GMPS: variants seen among roughly 807,000 people sequenced by gnomAD.
GMPS encodes GMP synthase [glutamine-hydrolyzing].
In GMPS, 15 loss-of-function variants were observed where a neutral mutation model predicts 77.9. The observed-to-expected ratio is 0.19, with a 90% confidence interval of 0.13 to 0.30. The LOEUF is 0.30. GMPS is among the 10% of genes least tolerant of loss of function. The pLI is 1.00. For missense variants in GMPS, 590 were observed against 838.8 expected (o/e 0.70, Z 3.66); for synonymous variants, 224 against 275.9 (o/e 0.81, Z 1.86).
intron 1 of GMPS, among the ~76,000 whole-genome samples, chr3:155,873,822 A>T (rs1753964532): frequency 6.6e-6 from 1 of 151,030 alleles, no homozygotes; most frequent in Non-Finnish European, 1.5e-5. Flanking sequence ...TTTTTAGTAG[A>T]GACAGGGTTT....
At chr3:155,923,968 C>T (rs1755389197) in intron 11 of GMPS, among the ~76,000 whole-genome samples, 1 of 152,160 alleles carries the variant, frequency 6.6e-6, no homozygotes, top group African/African-American at 2.4e-5. Flanking sequence ...GCAACCTCCG[C>T]CTCCCAGGTT....
chr3:155,909,360 T>C (rs1754972256), intron 5 of GMPS, among the ~76,000 whole-genome samples: 1 of 152,188 alleles, frequency 6.6e-6, no homozygotes, highest in Non-Finnish European at 1.5e-5. Flanking sequence ...GAGATTCTTT[T>C]AATATAAGAA....
chr3:155,886,588 T>C (rs1290092742), intron 1 of GMPS, among the ~76,000 whole-genome samples: 5 of 126,976 alleles, frequency 3.9e-5, no homozygotes, highest in Non-Finnish European at 8.4e-5. Flanking sequence ...AAAAAAAAAA[T>C]CTAGCATGTC....
rs189581428 is a variant in GMPS at position 155,912,522 on chromosome 3, C to A, written c.886+1243C>A. On this transcript the variant is annotated intron_variant, in intron 7 of 15. Transcript: ENST00000496455. Reference sequence around the variant, plus strand: ...TTTCTGTTAGGTGGTGCTGGAATAGCTGTGGGCATTTTGAAATCAGGCTAA... The same window carrying A: ...TTTCTGTTAGGTGGTGCTGGAATAGATGTGGGCATTTTGAAATCAGGCTAA... 4.6e-3 allele frequency among the ~76,000 whole-genome samples: 708 copies of A among 152,296 alleles called. 1 individual carries two copies. The highest frequency in any genetic ancestry group is 0.014 in the South Asian group (67 of 4,822).
At chr3:155,926,537 T>C (rs902487793) in intron 12 of GMPS, among the ~76,000 whole-genome samples, 7 of 151,996 alleles carry the variant, frequency 4.6e-5, no homozygotes. Flanking sequence ...GTAACTAACC[T>C]GCACATTGTG....
In GMPS at chr3:155,907,394, C is replaced by T. The variant is rs139465455; in HGVS notation, c.526+1131C>T. Among the ~76,000 whole-genome samples the T allele has an allele frequency of 3.2e-4, 49 of 152,112 alleles. No individual in the cohort carries two copies. The East Asian group carries it at 7.9e-3, about 25-fold the overall frequency. On this transcript the variant is annotated intron_variant, in intron 5 of 15. Transcript: ENST00000496455. ...GGCCAGGAGTTCAATCCAGCCTGGG[C>T]ACCATAGTGAGACCCCATCTCTACA...
intron 1 of GMPS, 61 bp downstream of exon 1, chr3:155,870,958 A>T (rs987056607): frequency 1.1e-5 from 15 of 1,385,474 alleles, no homozygotes; most frequent in Non-Finnish European, 1.4e-5. Context: ...CGGACCGGGG[A>T]GCCACCCCGC....
At chr3:155,925,206 T>C (rs752220834) in intron 11 of GMPS, 35 bp from the exon 12 acceptor site, 1 of 1,586,916 alleles carries the variant, frequency 6.3e-7, no homozygotes, top group Non-Finnish European at 8.6e-7. Flanking sequence ...CCTTATTTCT[T>C]AAAACTGAAA....
chr3:155,879,952 GT>G (rs61425510), intron 1 of GMPS, among the ~76,000 whole-genome samples: 109,089 of 147,274 alleles, frequency 0.74, 40,448 homozygotes, highest in Middle Eastern at 0.8. Context: ...AGTTTTAAGA[GT>G]TTTTTTTTTT....
At chr3:155,871,483 T>C (rs1753903844) in intron 1 of GMPS, among the ~76,000 whole-genome samples, 1 of 152,220 alleles carries the variant, frequency 6.6e-6, no homozygotes, top group Admixed American at 6.5e-5. Flanking sequence ...AGGCCGGTTC[T>C]GGACGAACCC....
intron 1 of GMPS, among the ~76,000 whole-genome samples, chr3:155,880,872 T>C (rs926845592): frequency 3.3e-5 from 5 of 152,198 alleles, no homozygotes; most frequent in Non-Finnish European, 7.3e-5. Context: ...CTGATGTCTT[T>C]CCTTCATTAG....
chr3:155,876,100 C>G (rs1754043966), intron 1 of GMPS, among the ~76,000 whole-genome samples: 1 of 152,176 alleles, frequency 6.6e-6, no homozygotes, highest in Non-Finnish European at 1.5e-5. Context: ...GTTCAGATTA[C>G]TGTCTTCTGT....
upstream of GMPS, among the ~76,000 whole-genome samples, chr3:155,869,971 A>C (rs937617739): frequency 2.0e-5 from 3 of 152,096 alleles, no homozygotes; most frequent in African/African-American, 4.8e-5. Flanking sequence ...CCCCACAAAC[A>C]ATTCCAATAA....
chr3:155,935,247 A>G (rs1755733978), intron 14 of GMPS, among the ~76,000 whole-genome samples: 1 of 152,150 alleles, frequency 6.6e-6, no homozygotes, highest in Non-Finnish European at 1.5e-5. Flanking sequence ...GCAGTGGCAC[A>G]ATCTTGGTTC....
Position 155,906,190 on chromosome 3 carries a change from T to G in GMPS, c.453T>G (p.Leu151=), listed in dbSNP as rs1300166579. ...RGLQKEEVVL[L]THGDSVDKVA... ...TTCAGAAGGAAGAAGTTGTTTTGCT[T>G]ACACATGGAGATAGTGTAGACAAAG... is the stretch of plus-strand genomic sequence containing the variant. The change falls in exon 5 of 16, where the codon CTT becomes CTG. Residue 151 remains leucine, a synonymous_variant. Coordinates refer to ENST00000496455, the MANE Select transcript of GMPS (RefSeq NM_003875.3). 2 of 1,608,222 alleles carry G rather than the reference T, an allele frequency of 1.2e-6. No individual in the cohort carries two copies. The highest frequency in any genetic ancestry group is 2.2e-5 in the South Asian group (2 of 90,078).
chr3:155,943,245 C>A lies in GMPS; in HGVS notation c.*5553C>A, dbSNP rs1304112738. The stretch of plus-strand genomic sequence containing the variant: ...AGACTCCGTCTTAAAACAAAAACAA[C>A]ATATTTGTTCACTTTTGAACCCTGT... On this transcript the variant is annotated 3_prime_UTR_variant, in exon 16 of 16. Coordinates refer to ENST00000496455, the MANE Select transcript of GMPS (RefSeq NM_003875.3). The A allele has an allele frequency of 5.6e-6, 1 of 179,524 alleles. No individual in the cohort carries two copies. The highest frequency in any genetic ancestry group is 1.2e-5 in the Non-Finnish European group (1 of 83,804). The allele number at this position is 179,524 out of a possible 1,614,324, so 11.1% of individuals were successfully genotyped here. A position where few individuals can be genotyped will look rare whatever the true frequency, so the allele number is the denominator to read the frequency against.
At chr3:155,925,670 C>CT (rs977122999) in intron 12 of GMPS, among the ~76,000 whole-genome samples, 2 of 152,142 alleles carry the variant, frequency 1.3e-5, no homozygotes, top group African/African-American at 4.8e-5. Flanking sequence ...TTTGGAACAT[C>CT]TATGAACTCT....
chr3:155,937,096 T>G (rs1755783070), intron 15 of GMPS, among the ~76,000 whole-genome samples: 1 of 152,220 alleles, frequency 6.6e-6, no homozygotes, highest in Non-Finnish European at 1.5e-5. Context: ...ATTTTTCTCT[T>G]AGGCTCAAAT....
chr3:155,880,846 CA>C (rs1314977188), intron 1 of GMPS, among the ~76,000 whole-genome samples: 2 of 151,972 alleles, frequency 1.3e-5, no homozygotes, highest in Non-Finnish European at 1.5e-5. Context: ...TAGTGCTTCT[CA>C]GTGGTTTCTT....
Sources: gnomAD v4.1 joint callset for allele counts (sites outside exome capture counted in the v4.1 genomes callset) on GRCh38, gnomAD v4.1.1 for gene constraint, MANE v1.5 for transcripts, NCBI Gene and HGNC (gene_info 2026-07-23, HGNC 2026-07-21) for gene names.